Variants in ARAP2 observed in about 807,000 individuals in gnomAD.
ARAP2 encodes the protein arf-GAP with Rho-GAP domain, ANK repeat and PH domain-containing protein 2.
A neutral mutation model predicts 194.5 loss-of-function variants in ARAP2; 148 were observed. The observed-to-expected ratio is 0.76, with a 90% CI of 0.67 to 0.87. The LOEUF (loss-of-function observed/expected upper bound fraction) is 0.87. Among genes scored for constraint, ARAP2 ranks in the 40% least tolerant of loss-of-function variants. The pLI, the probability that ARAP2 is intolerant of heterozygous loss-of-function variation, is 0.00. For missense variants in ARAP2, 2,128 were observed against 1,989.7 expected (o/e 1.07, Z -1.32); for synonymous variants, 695 against 683.5 (o/e 1.02, Z -0.26).
intron 2 of ARAP2, among the ~76,000 whole-genome samples, chr4:36,223,850 T>G (rs575461329): frequency 3.3e-5 from 5 of 152,090 alleles, no homozygotes; most frequent in South Asian, 4.1e-4. Flanking sequence ...TTCAGACTTT[T>G]AGTATCCAGA....
chr4:36,104,667 T>C (rs1444796743), intron 27 of ARAP2, among the ~76,000 whole-genome samples: 1 of 152,026 alleles, frequency 6.6e-6, no homozygotes, highest in Admixed American at 6.6e-5. Context: ...CAAGCTTCAA[T>C]TCAAACAAAT....
chr4:36,097,638 G>A (rs527666111), intron 27 of ARAP2, among the ~76,000 whole-genome samples: 11 of 152,006 alleles, frequency 7.2e-5, no homozygotes, highest in South Asian at 2.1e-4. Flanking sequence ...TATTGTTTTC[G>A]TGTGAGTATA....
intron 27 of ARAP2, among the ~76,000 whole-genome samples, chr4:36,104,365 C>G (rs1401455069): frequency 1.3e-5 from 2 of 151,886 alleles, no homozygotes; most frequent in Non-Finnish European, 1.5e-5. Flanking sequence ...ACAGAGAAAT[C>G]ATATTTGATT....
chr4:36,149,615 T>C (rs149055427), intron 16 of ARAP2, among the ~76,000 whole-genome samples: 150 of 152,328 alleles, frequency 9.8e-4, no homozygotes, highest in African/African-American at 3.4e-3. Flanking sequence ...AATATGCTGA[T>C]ATAAACTATT....
At chr4:36,034,574 T>C (rs139085484) in intron 5 of ARAP2, among the ~76,000 whole-genome samples, 211 of 152,246 alleles carry the variant, frequency 1.4e-3, no homozygotes, top group African/African-American at 4.8e-3. Context: ...ATGTATAAAA[T>C]CATATTTCCT....
intron 5 of ARAP2, among the ~76,000 whole-genome samples, chr4:36,028,467 T>A (rs1272405041): frequency 6.6e-6 from 1 of 152,040 alleles, no homozygotes; most frequent in South Asian, 2.1e-4. Context: ...GGCTTTCACA[T>A]ATATTTGTAT....
chr4:36,063,123 A>G (rs772644743), downstream of ARAP2, among the ~76,000 whole-genome samples: 3 of 152,240 alleles, frequency 2.0e-5, no homozygotes, highest in Admixed American at 6.5e-5. Flanking sequence ...CTGAGAAAAA[A>G]TTCAAAGAAA....
intron 8 of ARAP2, among the ~76,000 whole-genome samples, chr4:36,013,637 T>C (rs1020038442): frequency 1.3e-5 from 2 of 152,146 alleles, no homozygotes; most frequent in African/African-American, 4.8e-5. Flanking sequence ...AAGGAAACTA[T>C]GACAGATCAT....
At chr4:36,061,300 G>C (rs1724395988), downstream of ARAP2, among the ~76,000 whole-genome samples, 1 of 152,074 alleles carries the variant, frequency 6.6e-6, no homozygotes, top group Non-Finnish European at 1.5e-5. Flanking sequence ...AGGTCTTATT[G>C]ATTCCTTTTA....
intron 23 of ARAP2, 68 bp from the exon 24 acceptor site, chr4:36,119,786 T>C (rs1339442037): frequency 3.6e-5 from 40 of 1,106,944 alleles, no homozygotes; most frequent in South Asian, 3.4e-4. Context: ...CTCATCCTCA[T>C]GTAATCTTCA....
At chr4:36,230,430 AAAC>A (rs771944350) in intron 1 of ARAP2, among the ~76,000 whole-genome samples, 42 of 152,368 alleles carry the variant, frequency 2.8e-4, no homozygotes, top group Non-Finnish European at 5.1e-4. Context: ...CATTGTATGT[AAAC>A]AATAGTGATA....
chr4:36,018,110 C>A (rs992078290), intron 6 of ARAP2, among the ~76,000 whole-genome samples: 3 of 151,950 alleles, frequency 2.0e-5, no homozygotes, highest in Non-Finnish European at 4.4e-5. Context: ...TTAAAGTATA[C>A]AAAGTTTAAA....
chr4:36,116,099 T>G (rs145192161), intron 25 of ARAP2, among the ~76,000 whole-genome samples: 1 of 151,922 alleles, frequency 6.6e-6, no homozygotes, highest in Non-Finnish European at 1.5e-5. Flanking sequence ...ATAAGAAATA[T>G]GACATGGCCA....
chr4:36,042,373 T>G (rs898102530), intron 5 of ARAP2, among the ~76,000 whole-genome samples: 2 of 152,230 alleles, frequency 1.3e-5, no homozygotes, highest in Non-Finnish European at 2.9e-5. Flanking sequence ...GAACTACGTT[T>G]ACTTCCAAAG....
rs140974039 is a variant in ARAP2 at position 36,186,950 on chromosome 4, T to C, written c.1678+501A>G. Among the ~76,000 whole-genome samples, 336 of 152,330 alleles carry C rather than the reference T, an allele frequency of 2.2e-3. 1 individual carries two copies. The highest frequency in any genetic ancestry group is 7.9e-3 in the African/African-American group (327 of 41,562). ...TAACAGAACTAAAACACACAATAAATGTAATGTGCTTCAGTCATCCAGGAA... is the reference window on the plus strand; with the variant it reads ...TAACAGAACTAAAACACACAATAAACGTAATGTGCTTCAGTCATCCAGGAA... On this transcript the variant is annotated intron_variant, in intron 8 of 32. Coordinates refer to ENST00000303965, the MANE Select transcript of ARAP2 (RefSeq NM_015230.4).
chr4:36,074,647 A>C (rs548360556), intron 31 of ARAP2, among the ~76,000 whole-genome samples: 1 of 152,214 alleles, frequency 6.6e-6, no homozygotes, highest in Non-Finnish European at 1.5e-5. Flanking sequence ...CAGAATACCG[A>C]GTATAAAATG....
At chr4:36,056,122 C>T (rs1452856112) in intron 2 of ARAP2, among the ~76,000 whole-genome samples, 1 of 152,158 alleles carries the variant, frequency 6.6e-6, no homozygotes, top group African/African-American at 2.4e-5. Context: ...TGGCTACTTT[C>T]AATAGGTCCT....
intron 9 of ARAP2, among the ~76,000 whole-genome samples, chr4:36,174,826 G>A (rs1310229191): frequency 1.3e-5 from 2 of 152,050 alleles, no homozygotes; most frequent in African/African-American, 4.8e-5. Flanking sequence ...ACCCACAACT[G>A]CAACCTCCCA....
chr4:36,017,199 G>T (rs1465125719), intron 6 of ARAP2, among the ~76,000 whole-genome samples: 1 of 151,368 alleles, frequency 6.6e-6, no homozygotes, highest in Non-Finnish European at 1.5e-5. Context: ...ATGAAAAATG[G>T]ATATTTATTT....
Sources: allele counts gnomAD v4.1 joint callset (sites outside exome capture counted in the v4.1 genomes callset), GRCh38; gene constraint gnomAD v4.1.1; transcripts MANE v1.5; gene names NCBI Gene and HGNC (gene_info 2026-07-23, HGNC 2026-07-21).